HIVEP2: variants seen among roughly 807,000 people sequenced by gnomAD.
HIVEP2 encodes the protein HIVEP zinc finger 2.
HIVEP2 carries 14 observed loss-of-function variants against 180.7 expected under a neutral mutation model. The observed-to-expected ratio is 0.08, with a 90% CI of 0.05 to 0.12. The LOEUF (loss-of-function observed/expected upper bound fraction) is 0.12, where lower values mean the gene tolerates loss of function less well. Ranked by LOEUF, HIVEP2 falls within the 10% of genes least tolerant of loss-of-function variation. HIVEP2 has a pLI of 1.00. For synonymous variants in HIVEP2, 1,184 were observed against 1,136.4 expected, an observed-to-expected ratio of 1.04 and a Z score of -0.84; for missense variants, 2,579 against 3,008.5, an observed-to-expected ratio of 0.86 and a Z score of 3.34.
chr6:142,828,500 G>A (rs1452573096), intron 2 of HIVEP2, among the ~76,000 whole-genome samples: 4 of 151,810 alleles, frequency 2.6e-5, no homozygotes, highest in African/African-American at 4.8e-5. Context: ...GCAGTAGAGC[G>A]ATCTCAGCTC....
intron 1 of HIVEP2, among the ~76,000 whole-genome samples, chr6:142,862,718 A>T (rs1230866765): frequency 6.4e-5 from 9 of 139,684 alleles, no homozygotes; most frequent in Non-Finnish European, 1.4e-4. Context: ...TATATTATAC[A>T]TTACATATAT....
intron 1 of HIVEP2, among the ~76,000 whole-genome samples, chr6:142,935,192 A>G (rs1778022943): frequency 1.3e-5 from 2 of 152,330 alleles, no homozygotes; most frequent in Admixed American, 1.3e-4. Context: ...TGCTGGATGG[A>G]CACATGGAGG....
At position 142,760,329 on chromosome 6, in the gene HIVEP2, T is replaced by A; in HGVS notation, c.5959A>T (p.Ser1987Cys). Residue 1987 changes from serine (S) to cysteine (C), a missense_variant, in exon 9 of 10, where the codon AGT becomes TGT. Coordinates refer to ENST00000367603, the MANE Select transcript of HIVEP2 (RefSeq NM_006734.4). Reference protein sequence around the residue: ...SIRVTQLMTPSDSCEDTQMTE... With the variant: ...SIRVTQLMTPCDSCEDTQMTE... Reference sequence around the variant, plus strand: ...ATCTGGGTATCTTCACATGAATCACTGGGTGTCATAAGCTGAGTAACTCGA... The same window carrying A: ...ATCTGGGTATCTTCACATGAATCACAGGGTGTCATAAGCTGAGTAACTCGA... 2 of 1,614,206 alleles carry A rather than the reference T, an allele frequency of 1.2e-6. No homozygotes were observed. Among genetic ancestry groups the A allele is most frequent in the Admixed American group, 3.3e-5 (2 of 60,028 alleles).
At chr6:142,925,714 G>A (rs915898034) in intron 1 of HIVEP2, among the ~76,000 whole-genome samples, 4 of 152,156 alleles carry the variant, frequency 2.6e-5, no homozygotes, top group African/African-American at 9.7e-5. Flanking sequence ...CAACACTACT[G>A]AAAGCATACA....
intron 1 of HIVEP2, among the ~76,000 whole-genome samples, chr6:142,918,088 CAAG>C (rs1301036746): frequency 2.6e-5 from 4 of 151,772 alleles, no homozygotes; most frequent in Admixed American, 6.6e-5. Flanking sequence ...GTAATTTTAA[CAAG>C]AACAATGTGA....
intron 9 of HIVEP2, among the ~76,000 whole-genome samples, chr6:142,757,529 C>A (rs1016730293): frequency 6.6e-6 from 1 of 152,010 alleles, no homozygotes; most frequent in African/African-American, 2.4e-5. Flanking sequence ...TGTGGTGGCA[C>A]GTGCCTATAG....
In HIVEP2 at chr6:142,774,015, C is replaced by A. The variant is rs1325109247; in HGVS notation, c.724G>T (p.Ala242Ser). 5 of 1,614,248 alleles carry A rather than the reference C, an allele frequency of 3.1e-6. No individual in the cohort carries two copies. The South Asian group carries it at 5.5e-5, about 18-fold the overall frequency. ...AAAGGTACTAATCCTGCCTTAATTGCATGGGCATGTGACTTCCTGTGCTTG... is the reference window on the plus strand; with the variant it reads ...AAAGGTACTAATCCTGCCTTAATTGAATGGGCATGTGACTTCCTGTGCTTG... ...LYKHRKSHAH[A>S]IKAGLVPFTE... The change falls in exon 5 of 10, where the codon GCA becomes TCA. Residue 242 changes from alanine to serine, a missense_variant. Ala to Ser is a moderately conservative substitution (Grantham distance 99). Transcript: ENST00000367603. This position sits in a 1 kb window ranked among gnomAD's most constrained non-coding sequence, Gnocchi z 5.1.
At chr6:142,920,797 C>T (rs1303016069) in intron 1 of HIVEP2, among the ~76,000 whole-genome samples, 2 of 151,940 alleles carry the variant, frequency 1.3e-5, no homozygotes, top group African/African-American at 4.8e-5. Context: ...GCCTAAGCAA[C>T]ATAGGGAGAA....
chr6:142,842,591 T>C (rs1475164959), intron 1 of HIVEP2, among the ~76,000 whole-genome samples: 3 of 152,036 alleles, frequency 2.0e-5, no homozygotes, highest in African/African-American at 7.2e-5. Context: ...AAAGAAGGAG[T>C]GATGTGCTTC....
chr6:142,764,376 G>A (rs1775329624), intron 7 of HIVEP2, among the ~76,000 whole-genome samples: 1 of 152,196 alleles, frequency 6.6e-6, no homozygotes, highest in Non-Finnish European at 1.5e-5. Context: ...CTGGGAGTGT[G>A]TGGGTCTCTA....
At chr6:142,791,100 A>C (rs991955791) in intron 2 of HIVEP2, among the ~76,000 whole-genome samples, 11 of 152,180 alleles carry the variant, frequency 7.2e-5, no homozygotes, top group Non-Finnish European at 1.6e-4. Context: ...AGAGTGGGGA[A>C]ATTGGTCTGT....
chr6:142,895,459 A>C (rs1381583029), intron 1 of HIVEP2, among the ~76,000 whole-genome samples: 1 of 152,150 alleles, frequency 6.6e-6, no homozygotes, highest in Non-Finnish European at 1.5e-5. Context: ...GTCTATGGGC[A>C]ATCCACATCA....
At position 142,760,641 on chromosome 6, in the gene HIVEP2, C is replaced by T. The variant is rs1339086474; in HGVS notation, c.5647G>A (p.Ala1883Thr). Reference protein sequence around the residue: ...AENLEDLHKAAEKHSMSSIST... With the variant: ...AENLEDLHKATEKHSMSSIST... The stretch of plus-strand genomic sequence containing the variant: ...ATGCTGGACATGCTATGCTTCTCTG[C>T]TGCTTTGTGCAAATCTTCCAAATTT... The change falls in exon 9 of 10, where the codon GCA becomes ACA. Residue 1883 changes from alanine to threonine, a missense_variant. Ala to Thr is a moderately conservative substitution (Grantham distance 58, BLOSUM62 0). Coordinates refer to ENST00000367603, the MANE Select transcript of HIVEP2 (RefSeq NM_006734.4). 1.2e-6 allele frequency: 2 copies of T among 1,601,974 alleles called. No individual in the cohort carries two copies. Among genetic ancestry groups the T allele is most frequent in the Non-Finnish European group, 1.7e-6 (2 of 1,175,036 alleles).
chr6:142,759,047 A>T (rs565585945), intron 9 of HIVEP2, among the ~76,000 whole-genome samples: 20 of 152,260 alleles, frequency 1.3e-4, no homozygotes, highest in African/African-American at 4.8e-4. Flanking sequence ...CATGTCTGTA[A>T]TCCTAGCACT....
At chr6:142,923,529 T>C (rs1252551652) in intron 1 of HIVEP2, among the ~76,000 whole-genome samples, 2 of 152,206 alleles carry the variant, frequency 1.3e-5, no homozygotes, top group Non-Finnish European at 2.9e-5. Context: ...TCAAAACCAT[T>C]CATATTTGAT....
intron 1 of HIVEP2, among the ~76,000 whole-genome samples, chr6:142,926,825 G>C (rs1225205718): frequency 1.3e-5 from 2 of 152,044 alleles, no homozygotes; most frequent in African/African-American, 4.8e-5. Context: ...GGTCTGGGCC[G>C]GCCCTGCGGC....
intron 1 of HIVEP2, among the ~76,000 whole-genome samples, chr6:142,856,103 C>T (rs909724871): frequency 6.6e-6 from 1 of 151,996 alleles, no homozygotes; most frequent in Non-Finnish European, 1.5e-5. Context: ...TATTTGACAA[C>T]GCTTGACAAC....
chr6:142,781,914 T>C (rs1263445729), intron 3 of HIVEP2, among the ~76,000 whole-genome samples: 1 of 152,062 alleles, frequency 6.6e-6, no homozygotes, highest in African/African-American at 2.4e-5. Flanking sequence ...GTACCCAGGG[T>C]TGTCAATCTG....
Position 142,753,234 on chromosome 6 carries a change from G to A in HIVEP2, c.7214C>T (p.Ala2405Val). The change falls in exon 10 of 10, where the codon GCT becomes GTT. Residue 2405 changes from alanine (A) to valine (V), a missense_variant. By Grantham distance (64) the Ala-to-Val change is moderately conservative (BLOSUM62 0). Coordinates refer to ENST00000367603, the MANE Select transcript of HIVEP2 (RefSeq NM_006734.4). ...DNFGTSQTPLAHSTFYSKSCV... is the reference protein window; with the variant it reads ...DNFGTSQTPLVHSTFYSKSCV... ...ACTCTTGCTGTAAAACGTGGAGTGAGCTAATGGAGTCTGTGATGTACCAAA... is the reference window on the plus strand; with the variant it reads ...ACTCTTGCTGTAAAACGTGGAGTGAACTAATGGAGTCTGTGATGTACCAAA... The A allele has an allele frequency of 6.2e-7, 1 of 1,614,134 alleles. No homozygotes were observed. The highest frequency in any genetic ancestry group is 1.1e-5 in the South Asian group (1 of 91,082).
Sources: gnomAD v4.1 joint callset for allele counts (sites outside exome capture counted in the v4.1 genomes callset) on GRCh38, gnomAD v4.1.1 for gene constraint, Gnocchi (gnomAD v3.1) non-coding constraint, MANE v1.5 for transcripts, NCBI Gene and HGNC (gene_info 2026-07-23, HGNC 2026-07-21) for gene names.